VWDE: variants seen among roughly 807,000 people sequenced by gnomAD.
The protein encoded by VWDE is von Willebrand factor D and EGF domains.
Under a neutral mutation model 178.4 loss-of-function variants are expected in VWDE, and 207 were observed. The ratio of observed to expected loss-of-function variants is 1.16; its 90% CI spans 1.04 to 1.30. The LOEUF is 1.30. Ranked by LOEUF, VWDE falls within the 50% of genes most tolerant of loss-of-function variation. The pLI, the probability that VWDE is intolerant of heterozygous loss-of-function variation, is 0.00. For synonymous variants in VWDE, 738 were observed against 651.4 expected, an observed-to-expected ratio of 1.13 and a Z score of -2.02; for missense variants, 2,287 against 1,901.3, an observed-to-expected ratio of 1.20 and a Z score of -3.77.
chr7:12,384,971 T>TA (rs145076129), intron 3 of VWDE, among the ~76,000 whole-genome samples: 7,312 of 152,232 alleles, frequency 0.048, 358 homozygotes, highest in South Asian at 0.16. Context: ...ACATGTAGTA[T>TA]AAGGACCTAA....
intron 5 of VWDE, 76 bp from the exon 6 acceptor site, chr7:12,379,642 C>A: frequency 7.6e-6 from 8 of 1,051,758 alleles, no homozygotes; most frequent in South Asian, 3.3e-5. Flanking sequence ...CTTTTAAAAT[C>A]CTAAATTTAA....
chr7:12,402,573 A>G (rs925613181), intron 1 of VWDE, among the ~76,000 whole-genome samples: 1 of 152,142 alleles, frequency 6.6e-6, no homozygotes, highest in African/African-American at 2.4e-5. Context: ...CTTTATAAAC[A>G]TTGGTCATTT....
chr7:12,382,493 G>A (rs1430496540), intron 4 of VWDE, among the ~76,000 whole-genome samples: 2 of 151,712 alleles, frequency 1.3e-5, no homozygotes, highest in Admixed American at 6.6e-5. Context: ...ATGAAATAGA[G>A]CATGAAAATT....
At position 12,361,251 on chromosome 7, in the gene VWDE, C is replaced by T. The variant is rs894904262; in HGVS notation, c.3055G>A (p.Val1019Ile). 2.6e-6 allele frequency: 4 copies of T among 1,540,770 alleles called. No individual in the cohort carries two copies. The highest frequency in any genetic ancestry group is 1.2e-5 in the South Asian group (1 of 82,976). The change falls in exon 15 of 29, where the codon GTA becomes ATA. Residue 1019 changes from valine to isoleucine, a missense_variant and splice_region_variant. Coordinates refer to ENST00000275358, the MANE Select transcript of VWDE (RefSeq NM_001135924.3). The stretch of plus-strand genomic sequence containing the variant: ...CTGAATTTATAACCATCATTAGATA[C>T]CTGTAACATAATAGTTCTATAATAA... ...GKPTGKWQLK[V>I]SNDGYKFSNP... is the part of the protein sequence containing the mutation.
intron 18 of VWDE, among the ~76,000 whole-genome samples, chr7:12,355,677 T>A (rs73680952): frequency 4.9e-4 from 74 of 152,294 alleles, no homozygotes; most frequent in African/African-American, 1.8e-3. Flanking sequence ...GTAAATATGC[T>A]AACATTTCAT....
chr7:12,331,513 T>A (rs1051812934), intron 28 of VWDE, among the ~76,000 whole-genome samples: 12 of 152,282 alleles, frequency 7.9e-5, no homozygotes, highest in Admixed American at 5.2e-4. Context: ...CTGATACTCA[T>A]AACACATTGC....
chr7:12,396,686 C>T (rs1206433205), intron 1 of VWDE, among the ~76,000 whole-genome samples: 2 of 151,744 alleles, frequency 1.3e-5, no homozygotes, highest in African/African-American at 2.4e-5. Context: ...GAGGCCAAGG[C>T]AGGTGGATCA....
chr7:12,382,467 C>A (rs1406439232), intron 4 of VWDE, among the ~76,000 whole-genome samples: 1 of 151,428 alleles, frequency 6.6e-6, no homozygotes, highest in Non-Finnish European at 1.5e-5. Flanking sequence ...TAGAAAAAAA[C>A]CATTTGGAAT....
chr7:12,361,654 A>G (rs1297143357), intron 13 of VWDE, 133 bp from the exon 14 acceptor site: 2 of 801,724 alleles, frequency 2.5e-6, no homozygotes, highest in African/African-American at 3.6e-5. Flanking sequence ...GGGAAACAAA[A>G]GTCACATTGG....
chr7:12,354,332 G>A, intron 18 of VWDE: 1 of 407,950 alleles, frequency 2.5e-6, no homozygotes, highest in South Asian at 1.8e-5. Context: ...TCTCATAGCA[G>A]AAAATAGAAA....
intron 10 of VWDE, 144 bp from the exon 11 acceptor site, chr7:12,371,008 A>T: frequency 1.4e-6 from 1 of 713,796 alleles, no homozygotes. Context: ...CTTGACTACA[A>T]CTTTCCTCTT....
In VWDE at chr7:12,337,288, G is replaced by A. The variant is rs150963170; in HGVS notation, c.4367-16C>T. 34 of 1,544,864 alleles carry A rather than the reference G, an allele frequency of 2.2e-5. No homozygotes were observed. In the Middle Eastern group the frequency reaches 6.7e-4, roughly 30 times the overall value. ...TGACAGAAAGCTAAAAGAACACATG[G>A]CAGCAATCTGTGAATATTACACATC... On this transcript the variant is annotated splice_polypyrimidine_tract_variant and intron_variant, in intron 24 of 28. Transcript: ENST00000275358.
rs1338936253 is a variant in VWDE, at chr7:12,359,618, A to G, written c.3234T>C (p.Cys1078=). The G allele has an allele frequency of 1.9e-6, 3 of 1,550,638 alleles. No homozygotes were observed. The highest frequency in any genetic ancestry group is 2.7e-5 in the African/African-American group (2 of 73,134). ...AAGTAAATCTTGAAATTTTGGGTCT[A>G]CAAATCAAACAAGGGCTGGTTGGAT... ...DKNPTSPCLI[C]RPKISRFTWS... Residue 1078 remains cysteine, a synonymous_variant, in exon 16 of 29, where the codon TGT becomes TGC. Coordinates refer to ENST00000275358, the MANE Select transcript of VWDE (RefSeq NM_001135924.3).
chr7:12,364,055 T>G (rs2128554010), intron 13 of VWDE, among the ~76,000 whole-genome samples: 1 of 152,116 alleles, frequency 6.6e-6, no homozygotes, highest in Admixed American at 6.6e-5. Context: ...GGTAAATATA[T>G]TGTGGATCAT....
rs1329770321 is a variant in VWDE, at chr7:12,344,190, A to G, written c.4078+5T>C. ...TTATATTTGATTTTTAATTTGAATT[A>G]TCACCTTCATCACAGGTTGCTCCAC... On this transcript the variant is annotated splice_donor_5th_base_variant and intron_variant, in intron 21 of 28. Coordinates refer to ENST00000275358, the MANE Select transcript of VWDE (RefSeq NM_001135924.3). 6.5e-7 allele frequency: 1 copy of G among 1,550,020 alleles called. No individual in the cohort carries two copies. The highest frequency in any genetic ancestry group is 2.0e-5 in the Admixed American group (1 of 50,882).
chr7:12,352,754 C>T (rs1425903077), intron 18 of VWDE, among the ~76,000 whole-genome samples: 1 of 152,140 alleles, frequency 6.6e-6, no homozygotes, highest in Non-Finnish European at 1.5e-5. Flanking sequence ...GCTGCTGCTT[C>T]CTTAGTACAT....
Position 12,369,536 on chromosome 7 carries a change from C to T in VWDE, c.2761+9G>A. 6.6e-7 allele frequency: 1 copy of T among 1,508,668 alleles called. No homozygotes were observed. Among genetic ancestry groups the T allele is most frequent in the Non-Finnish European group, 8.9e-7 (1 of 1,122,854 alleles). The allele number at this position is 1,508,668 out of a possible 1,614,324, so 93.5% of individuals were successfully genotyped here. A position where few individuals can be genotyped will look rare whatever the true frequency, so the allele number is the denominator to read the frequency against. ...CATGCAATATCAAACTTTGAGAGTA[C>T]TTACTTACCATAGGAATCACTGCAG... On this transcript the variant is annotated intron_variant, in intron 12 of 28. Coordinates refer to ENST00000275358, the MANE Select transcript of VWDE (RefSeq NM_001135924.3).
At chr7:12,352,105 A>G (rs1351739547) in intron 18 of VWDE, among the ~76,000 whole-genome samples, 1 of 152,162 alleles carries the variant, frequency 6.6e-6, no homozygotes, top group Non-Finnish European at 1.5e-5. Flanking sequence ...CTCACCACAA[A>G]CCAACCCTAC....
intron 4 of VWDE, among the ~76,000 whole-genome samples, chr7:12,382,924 T>C (rs916799863): frequency 2.6e-5 from 4 of 151,748 alleles, no homozygotes; most frequent in African/African-American, 9.7e-5. Flanking sequence ...ATAAAAAGTA[T>C]ACATTGAAAG....
Sources: allele counts gnomAD v4.1 joint callset (sites outside exome capture counted in the v4.1 genomes callset), GRCh38; gene constraint gnomAD v4.1.1; transcripts MANE v1.5; gene names NCBI Gene and HGNC (gene_info 2026-07-23, HGNC 2026-07-21).